SPATA2L: variants seen among roughly 807,000 people sequenced by gnomAD.
The protein encoded by SPATA2L is spermatogenesis-associated protein 2-like protein.
SPATA2L carries 5 observed loss-of-function variants against 8.7 expected under a neutral mutation model. The ratio of observed to expected loss-of-function variants is 0.57; its 90% confidence interval spans 0.30 to 1.21. The LOEUF (loss-of-function observed/expected upper bound fraction) is 1.21. Ranked by LOEUF, SPATA2L falls within the 50% of genes most tolerant of loss-of-function variation. The probability of loss-of-function intolerance (pLI) is 0.07; values close to 1 mark genes in which losing one functional copy is unlikely to be tolerated. For synonymous variants in SPATA2L, 358 were observed against 275.8 expected, an observed-to-expected ratio of 1.30 and a Z score of -2.95; for missense variants, 671 against 591.0, an observed-to-expected ratio of 1.14 and a Z score of -1.40.
Position 89,697,827 on chromosome 16 carries a change from G to A in SPATA2L, c.782C>T (p.Pro261Leu). ...TTTGGCACTCTGCTCCCAGAGTGGT[G>A]GCCTGTAGGCCAGCTCCGCCGGGGG... is the stretch of plus-strand genomic sequence containing the variant. ...DSPPAELAYR[P>L]PLWEQSAKLW... Residue 261 changes from proline to leucine, a missense_variant, in exon 3 of 3, where the codon CCA (proline) becomes CTA (leucine). Pro to Leu is a moderately conservative substitution (Grantham distance 98). Coordinates refer to ENST00000289805, the MANE Select transcript of SPATA2L (RefSeq NM_152339.4). 10 of 1,605,766 alleles carry A rather than the reference G, an allele frequency of 6.2e-6. No individual in the cohort carries two copies. Among genetic ancestry groups the A allele is most frequent in the Non-Finnish European group, 8.5e-6 (10 of 1,177,246 alleles).
intron 1 of SPATA2L, 67 bp downstream of exon 1, chr16:89,701,561 C>T (rs1175483133): frequency 1.3e-5 from 4 of 303,854 alleles, no homozygotes; most frequent in Non-Finnish European, 2.4e-5. Context: ...GCCCGCTGAG[C>T]CCTCTCCCGA....
chr16:89,700,593 G>A (rs968188314), intron 2 of SPATA2L, among the ~76,000 whole-genome samples: 2 of 152,238 alleles, frequency 1.3e-5, no homozygotes, highest in South Asian at 2.1e-4. Context: ...GAATTAGGAT[G>A]ACCATGGGAA....
At chr16:89,698,369 T>C (rs2060752069) in intron 2 of SPATA2L, 64 bp from the exon 3 acceptor site, 20 of 1,495,696 alleles carry the variant, frequency 1.3e-5, no homozygotes, top group Non-Finnish European at 1.7e-5. Flanking sequence ...TAGGGTACAG[T>C]GGGTCCGGGA....
At chr16:89,700,459 G>GCC (rs1442266808) in intron 2 of SPATA2L, among the ~76,000 whole-genome samples, 1 of 152,200 alleles carries the variant, frequency 6.6e-6, no homozygotes, top group Non-Finnish European at 1.5e-5. Flanking sequence ...ACAGCCTCCC[G>GCC]CCCCAGGCCG....
At chr16:89,700,876 C>T in intron 2 of SPATA2L, 54 bp downstream of exon 2, 1 of 1,399,540 alleles carries the variant, frequency 7.1e-7, no homozygotes, top group Non-Finnish European at 9.3e-7. Context: ...GGTCGGCGGC[C>T]CCGCGACCCG....
In SPATA2L at chr16:89,697,332, G is replaced by T. The variant is rs1175757738; in HGVS notation, c.*2C>A. ...GAGCCCTTGACCTGGGGCCCAGCTG[G>T]CCTAGGGCCGGGCCCCGGGGCTGTT... On this transcript the variant is annotated 3_prime_UTR_variant, in exon 3 of 3. Transcript: ENST00000289805. 2.7e-6 allele frequency: 4 copies of T among 1,506,870 alleles called. No homozygotes were observed. In the African/African-American group the frequency reaches 5.6e-5, roughly 21 times the overall value. The allele number at this position is 1,506,870 out of a possible 1,614,324, so 93.3% of individuals were successfully genotyped here. A position where few individuals can be genotyped will look rare whatever the true frequency, so the allele number is the denominator to read the frequency against.
In SPATA2L at chr16:89,696,666, A is replaced by C; in HGVS notation, c.*668T>G. ...CTGTCCACAGGCCCTTCCGCCCAGC[A>C]GCAGTGACGCTCAGGGCCTTCCCAG... On this transcript the variant is annotated 3_prime_UTR_variant, in exon 3 of 3. Coordinates refer to ENST00000289805, the MANE Select transcript of SPATA2L (RefSeq NM_152339.4). 2 of 1,036,186 alleles carry C rather than the reference A, an allele frequency of 1.9e-6. No individual in the cohort carries two copies. The highest frequency in any genetic ancestry group is 1.7e-5 in the South Asian group (1 of 58,706). The allele number at this position is 1,036,186 out of a possible 1,614,324, so 64.2% of individuals were successfully genotyped here. A position where few individuals can be genotyped will look rare whatever the true frequency, so the allele number is the denominator to read the frequency against.
At position 89,697,883 on chromosome 16, in the gene SPATA2L, C is replaced by G. The variant is rs962622858; in HGVS notation, c.726G>C (p.Leu242=). ...CAGGGCCTGGTGACGGCTCCCCATA[C>G]AGGCTGGCGTCCTCCGACCCCTCGT... is the stretch of plus-strand genomic sequence containing the variant. ...QEDEGSEDAS[L]YGEPSPGPDS... Residue 242 remains leucine, a synonymous_variant, in exon 3 of 3, where the codon CTG becomes CTC. Transcript: ENST00000289805. 1.2e-6 allele frequency: 2 copies of G among 1,611,662 alleles called. No individual in the cohort carries two copies. Among genetic ancestry groups the G allele is most frequent in the Non-Finnish European group, 1.7e-6 (2 of 1,179,680 alleles).
At position 89,696,969 on chromosome 16, in the gene SPATA2L, C is replaced by T. The variant is rs964293687; in HGVS notation, c.*365G>A. On this transcript the variant is annotated 3_prime_UTR_variant, in exon 3 of 3. Transcript: ENST00000289805. ...CCCCCAAGTCCTGAGCCCCGTACTC[C>T]GTACTGCAGGGAGCAGGCCAGGAGC... 11 of 1,473,870 alleles carry T rather than the reference C, an allele frequency of 7.5e-6. No homozygotes were observed. The highest frequency in any genetic ancestry group is 2.7e-5 in the South Asian group (2 of 74,388). The allele number at this position is 1,473,870 out of a possible 1,614,324, so 91.3% of individuals were successfully genotyped here.
rs765991504 is a variant in SPATA2L at position 89,697,925 on chromosome 16, G to A, written c.684C>T (p.Tyr228=). 7 of 1,611,058 alleles carry A rather than the reference G, an allele frequency of 4.3e-6. No individual in the cohort carries two copies. The South Asian group carries it at 6.6e-5, about 15-fold the overall frequency. The change falls in exon 3 of 3, where the codon TAC becomes TAT. Residue 228 remains tyrosine (Y), a synonymous_variant. Coordinates refer to ENST00000289805, the MANE Select transcript of SPATA2L (RefSeq NM_152339.4). ...ACCCCTCGTCTTCCTGCAAGTCCCG[G>A]TATAAGTCCAGTGGGGCCCTGTAAG... is the stretch of plus-strand genomic sequence containing the variant. ...PAAYRAPLDL[Y]RDLQEDEGSE...
chr16:89,698,767 G>A (rs1567533440), intron 2 of SPATA2L, among the ~76,000 whole-genome samples: 1 of 151,086 alleles, frequency 6.6e-6, no homozygotes, highest in Non-Finnish European at 1.5e-5. Context: ...GATTACAAGC[G>A]TGAGCCACTG....
At chr16:89,699,763 G>A (rs1177217630) in intron 2 of SPATA2L, among the ~76,000 whole-genome samples, 1 of 152,130 alleles carries the variant, frequency 6.6e-6, no homozygotes, top group Non-Finnish European at 1.5e-5. Context: ...TGTTGGTTAG[G>A]CTGGTGTCAA....
chr16:89,700,675 CACTG>C (rs1173736712), intron 2 of SPATA2L, among the ~76,000 whole-genome samples: 2 of 152,246 alleles, frequency 1.3e-5, no homozygotes, highest in African/African-American at 4.8e-5. Flanking sequence ...TTAGGGAAGA[CACTG>C]ACGCAAGCTC....
In SPATA2L at chr16:89,697,391, C is replaced by A; in HGVS notation, c.1218G>T (p.Trp406Cys). The A allele has an allele frequency of 6.3e-7, 1 of 1,593,826 alleles. No homozygotes were observed. The change falls in exon 3 of 3, where the codon TGG (tryptophan) becomes TGT (cysteine). Residue 406 changes from tryptophan to cysteine, a missense_variant. Physicochemically the swap from Trp to Cys is radical, Grantham distance 215. Transcript: ENST00000289805. The stretch of plus-strand genomic sequence containing the variant: ...GAGTGTCCATCTGTGCACGCTGTAG[C>A]CACAAGCGCCGCTGGGCGTCGCCAA... ...VLLGDAQRRL[W>C]LQRAQMDTLL... is the part of the protein sequence containing the mutation.
At position 89,700,954 on chromosome 16, in the gene SPATA2L, C is replaced by T. The variant is rs759154072; in HGVS notation, c.279G>A (p.Trp93Ter). The T allele has an allele frequency of 1.3e-6, 2 of 1,518,730 alleles. No individual in the cohort carries two copies. The highest frequency in any genetic ancestry group is 2.5e-5 in the South Asian group (2 of 79,348). The allele number at this position is 1,518,730 out of a possible 1,614,324, so 94.1% of individuals were successfully genotyped here. The change falls in exon 2 of 3, where the codon TGG (tryptophan) becomes TGA (stop). Residue 93 changes from tryptophan (W) to a stop codon, truncating the protein, a stop_gained. Transcript: ENST00000289805. LOFTEE classifies it low-confidence loss of function (END_TRUNC). ...CCTTGATGGTGGTGAACTCCTTCCT[C>T]CAGGGCAGCAGGTACAGGTGCACCG... ...LAAVHLYLLP[W>*]RKEFTTIKTF...
At position 89,697,956 on chromosome 16, in the gene SPATA2L, G is replaced by A. The variant is rs764183083; in HGVS notation, c.653C>T (p.Pro218Leu). The change falls in exon 3 of 3, where the codon CCT becomes CTT. Residue 218 changes from proline to leucine, a missense_variant. Physicochemically the swap from Pro to Leu is moderately conservative, Grantham distance 98. Coordinates refer to ENST00000289805, the MANE Select transcript of SPATA2L (RefSeq NM_152339.4). Reference protein sequence around the residue: ...EPPPLPPRGSPAAYRAPLDLY... With the variant: ...EPPPLPPRGSLAAYRAPLDLY... ...GTCCAGTGGGGCCCTGTAAGCAGCA[G>A]GGGAGCCTCGGGGGGGCAGGGGTGG... is the stretch of plus-strand genomic sequence containing the variant. 1 of 1,606,652 alleles carries A rather than the reference G, an allele frequency of 6.2e-7. No individual in the cohort carries two copies. The highest frequency in any genetic ancestry group is 1.7e-5 in the Admixed American group (1 of 59,868).
rs557736130 is a variant in SPATA2L at position 89,697,922 on chromosome 16, C to G, written c.687G>C (p.Arg229=). The G allele has an allele frequency of 1.2e-6, 2 of 1,611,310 alleles. No individual in the cohort carries two copies. The highest frequency in any genetic ancestry group is 2.2e-5 in the South Asian group (2 of 90,996). The stretch of plus-strand genomic sequence containing the variant: ...CCGACCCCTCGTCTTCCTGCAAGTC[C>G]CGGTATAAGTCCAGTGGGGCCCTGT... ...AAYRAPLDLY[R]DLQEDEGSED... Residue 229 remains arginine, a synonymous_variant, in exon 3 of 3, where the codon CGG becomes CGC. Transcript: ENST00000289805.
At chr16:89,698,882 G>C (rs921969928) in intron 2 of SPATA2L, among the ~76,000 whole-genome samples, 2 of 151,198 alleles carry the variant, frequency 1.3e-5, no homozygotes, top group Non-Finnish European at 2.9e-5. Context: ...CCTCCTCCCG[G>C]GTTCAAGCGA....
chr16:89,701,297 C>T, intron 1 of SPATA2L, 64 bp from the exon 2 acceptor site: 1 of 1,343,864 alleles, frequency 7.4e-7, no homozygotes, highest in South Asian at 1.8e-5. Flanking sequence ...CCGCGCTCTC[C>T]CCGAACCCTC....
Sources: gnomAD v4.1 joint callset for allele counts (sites outside exome capture counted in the v4.1 genomes callset) on GRCh38, gnomAD v4.1.1 for gene constraint, MANE v1.5 for transcripts, NCBI Gene and HGNC (gene_info 2026-07-23, HGNC 2026-07-21) for gene names.